PCDHAC1: variants seen among roughly 807,000 people sequenced by gnomAD.
PCDHAC1 encodes the protein protocadherin alpha-C1.
A neutral mutation model predicts 60.0 loss-of-function variants in PCDHAC1; 42 were observed. The ratio of observed to expected loss-of-function variants is 0.70; its 90% CI spans 0.55 to 0.90. The LOEUF is 0.90. Among genes scored for constraint, PCDHAC1 ranks in the 40% least tolerant of loss-of-function variants. The pLI is 0.00. For missense variants in PCDHAC1, 1,160 were observed against 1,222.3 expected (o/e 0.95, Z 0.76); for synonymous variants, 468 against 499.3 (o/e 0.94, Z 0.84).
At chr5:140,960,299 A>G (rs246005) in intron 1 of PCDHAC1, among the ~76,000 whole-genome samples, 1 of 151,808 alleles carries the variant, frequency 6.6e-6, no homozygotes. Flanking sequence ...TTTCTTCATC[A>G]ATACCAACCT....
At chr5:140,947,095 A>T (rs2094086285) in intron 1 of PCDHAC1, among the ~76,000 whole-genome samples, 1 of 151,642 alleles carries the variant, frequency 6.6e-6, no homozygotes, top group Non-Finnish European at 1.5e-5. Flanking sequence ...ACTGTAGCCC[A>T]TAAATAGGTA....
At chr5:140,939,317 A>T (rs2092365663) in intron 1 of PCDHAC1, among the ~76,000 whole-genome samples, 1 of 152,148 alleles carries the variant, frequency 6.6e-6, no homozygotes, top group Admixed American at 6.5e-5. Flanking sequence ...CTACCTCCTA[A>T]TATCATAATC....
Position 141,010,074 on chromosome 5 carries a change from G to C in PCDHAC1, c.*137G>C. 6.2e-7 allele frequency: 1 copy of C among 1,607,844 alleles called. No homozygotes were observed. Among genetic ancestry groups the C allele is most frequent in the Non-Finnish European group, 8.5e-7 (1 of 1,176,754 alleles). On this transcript the variant is annotated 3_prime_UTR_variant, in exon 4 of 4. Transcript: ENST00000253807. ...CTCAGAAATCTGCAGAAAGTTCCCT[G>C]TGTCTGTCTAGAACGCATTTAACAG...
chr5:140,929,460 C>A, intron 1 of PCDHAC1, 135 bp downstream of exon 1: 1 of 1,331,154 alleles, frequency 7.5e-7, no homozygotes, highest in Non-Finnish European at 1.0e-6. Context: ...ACTTCCTGTG[C>A]CAAGAAATCT....
At chr5:140,994,004 C>T (rs1366489476) in intron 3 of PCDHAC1, among the ~76,000 whole-genome samples, 3 of 152,186 alleles carry the variant, frequency 2.0e-5, no homozygotes, top group Non-Finnish European at 2.9e-5. Context: ...AGGCCAGGCT[C>T]TGTTCTAGGT....
intron 1 of PCDHAC1, among the ~76,000 whole-genome samples, chr5:140,956,777 G>A (rs1470027067): frequency 6.6e-6 from 1 of 152,022 alleles, no homozygotes; most frequent in Admixed American, 6.6e-5. Context: ...GTCTGGTCCT[G>A]GGCTTTGTTT....
At chr5:140,986,044 G>A (rs1261726247) in intron 3 of PCDHAC1, among the ~76,000 whole-genome samples, 4 of 152,078 alleles carry the variant, frequency 2.6e-5, no homozygotes, top group African/African-American at 9.7e-5. Flanking sequence ...TGGCCTCACT[G>A]ATGAATTCTT....
At chr5:140,946,477 T>C (rs1223421073) in intron 1 of PCDHAC1, among the ~76,000 whole-genome samples, 2 of 151,720 alleles carry the variant, frequency 1.3e-5, no homozygotes, top group Non-Finnish European at 2.9e-5. Flanking sequence ...ACTGGGTATA[T>C]ATCCAAAGGA....
intron 3 of PCDHAC1, among the ~76,000 whole-genome samples, chr5:140,998,657 T>G (rs1252646330): frequency 6.6e-6 from 1 of 151,974 alleles, no homozygotes; most frequent in African/African-American, 2.4e-5. Flanking sequence ...CTCTGCCTCC[T>G]GGGTTCAAGT....
intron 2 of PCDHAC1, chr5:140,982,235 T>C (rs782570505): frequency 2.6e-5 from 17 of 646,792 alleles, no homozygotes; most frequent in Non-Finnish European, 3.9e-5. Flanking sequence ...AAAAACAGAA[T>C]TGCCATAAAG....
intron 2 of PCDHAC1, among the ~76,000 whole-genome samples, chr5:140,980,152 C>G (rs1554241475): frequency 6.6e-6 from 1 of 152,040 alleles, no homozygotes; most frequent in African/African-American, 2.4e-5. Context: ...CATGCATATA[C>G]CAGAATATTA....
chr5:140,954,638 T>C (rs1297767818), intron 1 of PCDHAC1, among the ~76,000 whole-genome samples: 2 of 152,212 alleles, frequency 1.3e-5, no homozygotes, highest in Non-Finnish European at 2.9e-5. Flanking sequence ...TTCTTGTAAA[T>C]TTGTTTAAGT....
chr5:140,967,487 G>A lies in PCDHAC1; in HGVS notation c.2434-11462G>A, dbSNP rs781929483. 60 of 1,613,172 alleles carry A rather than the reference G, an allele frequency of 3.7e-5. No individual in the cohort carries two copies. The highest frequency in any genetic ancestry group is 5.0e-5 in the Non-Finnish European group (59 of 1,179,674). ...GGGCATCCCAGCCCGCTCGGGTACG[G>A]CACAGATCTCTGTGCGTGTCCTGGA... On this transcript the variant is annotated intron_variant, in intron 1 of 3. Coordinates refer to ENST00000253807, the MANE Select transcript of PCDHAC1 (RefSeq NM_018898.5).
At chr5:140,941,651 T>C (rs2093139674) in intron 1 of PCDHAC1, among the ~76,000 whole-genome samples, 3 of 152,120 alleles carry the variant, frequency 2.0e-5, no homozygotes, top group Admixed American at 6.6e-5. Context: ...CTACAACTTA[T>C]GTCCAATTTT....
At chr5:141,004,637 A>G (rs149340406) in intron 3 of PCDHAC1, among the ~76,000 whole-genome samples, 1,579 of 152,220 alleles carry the variant, frequency 0.01, 12 homozygotes, top group Middle Eastern at 0.058. Flanking sequence ...TTGAAGAAAA[A>G]TTTCCATTTT....
chr5:140,942,237 T>C (rs2153657846), intron 1 of PCDHAC1, among the ~76,000 whole-genome samples: 1 of 152,214 alleles, frequency 6.6e-6, no homozygotes, highest in East Asian at 1.9e-4. Context: ...GCAAATAAGA[T>C]ATCCATATCA....
At chr5:140,946,871 A>G (rs952595827) in intron 1 of PCDHAC1, among the ~76,000 whole-genome samples, 8 of 151,442 alleles carry the variant, frequency 5.3e-5, no homozygotes, top group Non-Finnish European at 8.9e-5. Flanking sequence ...AGGTTGGTCA[A>G]TGGGTACGAA....
At chr5:140,952,257 C>T (rs1224282193) in intron 1 of PCDHAC1, among the ~76,000 whole-genome samples, 1 of 151,342 alleles carries the variant, frequency 6.6e-6, no homozygotes, top group Non-Finnish European at 1.5e-5. Flanking sequence ...GGTGGATTCC[C>T]ATTCTGGGGT....
chr5:141,008,375 C>T (rs77600037), intron 3 of PCDHAC1, among the ~76,000 whole-genome samples: 2,306 of 152,234 alleles, frequency 0.015, 24 homozygotes, highest in Middle Eastern at 0.031. Flanking sequence ...GTGTTAGATA[C>T]ATAAACATTG....
Sources: allele counts gnomAD v4.1 joint callset (sites outside exome capture counted in the v4.1 genomes callset), GRCh38; gene constraint gnomAD v4.1.1; transcripts MANE v1.5; gene names NCBI Gene and HGNC (gene_info 2026-07-23, HGNC 2026-07-21).